The following REST variants were observed in gnomAD, a reference collection of about 807,000 sequenced individuals.
REST encodes RE1-silencing transcription factor.
REST carries 1 observed loss-of-function variant against 30.4 expected under a neutral mutation model. That is an observed-to-expected ratio of 0.03 (90% CI 0.01 to 0.16). The LOEUF (loss-of-function observed/expected upper bound fraction) is 0.16, where lower values mean the gene tolerates loss of function less well. Ranked by LOEUF, REST falls within the 10% of genes least tolerant of loss-of-function variation. The probability of loss-of-function intolerance (pLI) is 1.00; values close to 1 mark genes in which losing one functional copy is unlikely to be tolerated. For missense variants in REST, 1,259 were observed against 1,329.5 expected, an observed-to-expected ratio of 0.95 and a Z score of 0.82; for synonymous variants, 504 against 451.1, an observed-to-expected ratio of 1.12 and a Z score of -1.49.
Position 56,934,992 on chromosome 4 carries a change from A to G in REST, c.*2840A>G, listed in dbSNP as rs1445514334. On this transcript the variant is annotated 3_prime_UTR_variant, in exon 4 of 4. Coordinates refer to ENST00000309042, the MANE Select transcript of REST (RefSeq NM_005612.5). The stretch of plus-strand genomic sequence containing the variant: ...GGGCTACTTTTTTTTTTAGTTGTGT[A>G]ATTCACAAAGGGCTGCATTTTTTTT... 6.7e-6 allele frequency: 1 copy of G among 148,818 alleles called. No individual in the cohort carries two copies. Among genetic ancestry groups the G allele is most frequent in the Non-Finnish European group, 1.5e-5 (1 of 67,372 alleles). 9.2% of individuals were successfully genotyped at this position (148,818 alleles called of 1,614,324 possible). A position where few individuals can be genotyped will look rare whatever the true frequency, so the allele number is the denominator to read the frequency against.
chr4:56,909,425 TC>T (rs1165748526), intron 1 of REST: 1 of 152,292 alleles, frequency 6.6e-6, no homozygotes, highest in Non-Finnish European at 1.5e-5. Context: ...TGGACGGTCT[TC>T]CTAACAATCG....
In REST at chr4:56,932,001, A is replaced by G. The variant is rs1369937901; in HGVS notation, c.3143A>G (p.Lys1048Arg). The change falls in exon 4 of 4, where the codon AAG (lysine) becomes AGG (arginine). Residue 1048 changes from lysine to arginine, a missense_variant. Transcript: ENST00000309042. ...CAAGAATCTAGCAGAAAAAATGCAAAGGAAGCCTTGGCAGTCAAAGCGGCT... is the reference window on the plus strand; with the variant it reads ...CAAGAATCTAGCAGAAAAAATGCAAGGGAAGCCTTGGCAGTCAAAGCGGCT... ...VPQESSRKNA[K>R]EALAVKAAKG... 12 of 1,614,132 alleles carry G rather than the reference A, an allele frequency of 7.4e-6. No homozygotes were observed. The Middle Eastern group carries it at 4.9e-4, about 66-fold the overall frequency.
intron 3 of REST, among the ~76,000 whole-genome samples, chr4:56,929,080 TTTTC>T (rs907476398): frequency 1.2e-4 from 18 of 151,582 alleles, no homozygotes; most frequent in African/African-American, 4.4e-4. Flanking sequence ...TTTTTTTTTT[TTTTC>T]TTTGAGACAC....
At chr4:56,914,905 A>T (rs1380588420) in intron 2 of REST, among the ~76,000 whole-genome samples, 6 of 118,588 alleles carry the variant, frequency 5.1e-5, no homozygotes, top group East Asian at 5.1e-4. Context: ...CTTCATTCTG[A>T]TTTTTTTTTT....
At position 56,930,977 on chromosome 4, in the gene REST, G is replaced by A; in HGVS notation, c.2119G>A (p.Glu707Lys). 3 of 1,614,198 alleles carry A rather than the reference G, an allele frequency of 1.9e-6. No individual in the cohort carries two copies. The highest frequency in any genetic ancestry group is 1.7e-6 in the Non-Finnish European group (2 of 1,180,014). Residue 707 changes from glutamate to lysine, a missense_variant, in exon 4 of 4, where the codon GAA (glutamate) becomes AAA (lysine). By Grantham distance (56) the Glu-to-Lys change is moderately conservative. Transcript: ENST00000309042. ...TGCCCAAATGGGGCCTGCTCCCATG[G>A]AACCTGCTCAGATGGAGGTTGCCCA... ...EVAQMGPAPM[E>K]PAQMEVAQVE...
At chr4:56,922,345 C>T (rs1720495513) in intron 3 of REST, 1 of 141,544 alleles carries the variant, frequency 7.1e-6, no homozygotes, top group African/African-American at 2.6e-5. Flanking sequence ...TGGAGTTTCG[C>T]TCTTGTTGCC....
rs138269723 is a variant in REST at position 56,933,829 on chromosome 4, G to A, written c.*1677G>A. On this transcript the variant is annotated 3_prime_UTR_variant, in exon 4 of 4. Transcript: ENST00000309042. ...CTTGAATTCTGACCTCCCATACTCC[G>A]TTTTGAAATAACCACTTTATATTTC... The A allele has an allele frequency of 2.6e-5, 4 of 152,238 alleles. No individual in the cohort carries two copies. Among genetic ancestry groups the A allele is most frequent in the South Asian group, 2.1e-4 (1 of 4,822 alleles). The allele number at this position is 152,238 out of a possible 1,614,324, so 9.4% of individuals were successfully genotyped here. A position where few individuals can be genotyped will look rare whatever the true frequency, so the allele number is the denominator to read the frequency against.
In REST at chr4:56,907,902, G is replaced by C. The variant is rs1009165477; in HGVS notation, c.-321G>C. 5.5e-6 allele frequency: 1 copy of C among 182,240 alleles called. No homozygotes were observed. Among genetic ancestry groups the C allele is most frequent in the Non-Finnish European group, 1.0e-5 (1 of 96,940 alleles). 11.3% of individuals were successfully genotyped at this position (182,240 alleles called of 1,614,324 possible). ...GCGGCGGCGGCGGCGCGGACTGGGT[G>C]CGCGGCGCAGCGTCCTGTGTTGGAA... is the stretch of plus-strand genomic sequence containing the variant. On this transcript the variant is annotated 5_prime_UTR_variant, in exon 1 of 4. Coordinates refer to ENST00000309042, the MANE Select transcript of REST (RefSeq NM_005612.5).
Position 56,911,374 on chromosome 4 carries a change from C to T in REST, c.736C>T (p.Arg246Ter), listed in dbSNP as rs748191155. 1.2e-6 allele frequency: 2 copies of T among 1,614,086 alleles called. No homozygotes were observed. The highest frequency in any genetic ancestry group is 1.7e-5 in the Admixed American group (1 of 59,996). Residue 246 changes from arginine to a stop codon, truncating the protein, a stop_gained, in exon 2 of 4, where the codon CGA (arginine) becomes TGA (stop). Coordinates refer to ENST00000309042, the MANE Select transcript of REST (RefSeq NM_005612.5). LOFTEE classifies it high-confidence loss of function. ...KHHTRAGDNE[R>*]VYKCIICTYT... ...CCACACCAGAGCTGGGGATAATGAG[C>T]GAGTCTACAAGTGTATCATTTGCAC...
rs1208305687 is a variant in REST at position 56,925,796 on chromosome 4, G to A, written c.983-4045G>A. ...TAAAGTAAAAATTACGGGAGAAAAAGAACGGAGCAAATAAATCATGCCATC... is the reference window on the plus strand; with the variant it reads ...TAAAGTAAAAATTACGGGAGAAAAAAAACGGAGCAAATAAATCATGCCATC... On this transcript the variant is annotated intron_variant, in intron 3 of 3. Transcript: ENST00000309042. 2.0e-5 allele frequency among the ~76,000 whole-genome samples: 3 copies of A among 152,152 alleles called. No individual in the cohort carries two copies. In the East Asian group the frequency reaches 5.8e-4, roughly 29 times the overall value.
intron 3 of REST, among the ~76,000 whole-genome samples, chr4:56,926,955 G>T (rs1384311337): frequency 6.6e-6 from 1 of 151,946 alleles, no homozygotes; most frequent in Non-Finnish European, 1.5e-5. Flanking sequence ...AATTAGCCAG[G>T]CTTAGTGGCA....
intron 3 of REST, among the ~76,000 whole-genome samples, chr4:56,926,154 G>A (rs528051239): frequency 1.2e-4 from 19 of 152,062 alleles, no homozygotes; most frequent in Non-Finnish European, 2.2e-4. Context: ...CCGCCTCCTG[G>A]GTTCAAGTGA....
Position 56,930,750 on chromosome 4 carries a change from C to T in REST, c.1892C>T (p.Pro631Leu). 1 of 1,601,052 alleles carries T rather than the reference C, an allele frequency of 6.2e-7. No homozygotes were observed. The change falls in exon 4 of 4, where the codon CCA becomes CTA. Residue 631 changes from proline (P) to leucine (L), a missense_variant. By Grantham distance (98) the Pro-to-Leu change is moderately conservative. Coordinates refer to ENST00000309042, the MANE Select transcript of REST (RefSeq NM_005612.5). ...VQKGPVQVEP[P>L]PPMEHAQMEG... ...AAGGGGCCCGTTCAGGTGGAGCCGC[C>T]ACCTCCCATGGAGCATGCTCAGATG...
chr4:56,922,594 T>A (rs1720507461), intron 3 of REST, among the ~76,000 whole-genome samples: 1 of 152,190 alleles, frequency 6.6e-6, no homozygotes, highest in South Asian at 2.1e-4. Context: ...ATTACAGGCG[T>A]GAGCCACTGC....
At chr4:56,910,307 G>A (rs1363734275) in intron 1 of REST, among the ~76,000 whole-genome samples, 1 of 152,154 alleles carries the variant, frequency 6.6e-6, no homozygotes, top group Non-Finnish European at 1.5e-5. Context: ...TAAAAATGAA[G>A]GTTACTTTTT....
chr4:56,930,408 A>C lies in REST; in HGVS notation c.1550A>C (p.Lys517Thr). The C allele has an allele frequency of 6.2e-7, 1 of 1,614,062 alleles. No individual in the cohort carries two copies. The highest frequency in any genetic ancestry group is 1.3e-5 in the African/African-American group (1 of 75,056). The change falls in exon 4 of 4, where the codon AAG becomes ACG. Residue 517 changes from lysine to threonine, a missense_variant. Lys to Thr is a moderately conservative substitution (Grantham distance 78, BLOSUM62 -1). Transcript: ENST00000309042. ...GSNSEKFSKTKKSKRKLEVDS... is the reference protein window; with the variant it reads ...GSNSEKFSKTTKSKRKLEVDS... ...AATTCAGAAAAATTCAGTAAAACTA[A>C]GAAAAGCAAAAGGAAGCTGGAAGTT...
intron 2 of REST, among the ~76,000 whole-genome samples, chr4:56,917,681 TG>T (rs1720263166): frequency 6.6e-6 from 1 of 152,226 alleles, no homozygotes; most frequent in African/African-American, 2.4e-5. Context: ...GGGGAAACGG[TG>T]TTTTAGTAGC....
Position 56,931,802 on chromosome 4 carries a change from C to T in REST, c.2944C>T (p.Arg982Cys), listed in dbSNP as rs200147565. ...GCTTCCCCCTTCAGCAGTAGAAGAACGTGAAGCAGTGTCCAAAACTGCACT... is the reference window on the plus strand; with the variant it reads ...GCTTCCCCCTTCAGCAGTAGAAGAATGTGAAGCAGTGTCCAAAACTGCACT... ...PMLPPSAVEE[R>C]EAVSKTALAS... Residue 982 changes from arginine (R) to cysteine (C), a missense_variant, in exon 4 of 4, where the codon CGT (arginine) becomes TGT (cysteine). Arg to Cys is a radical substitution (Grantham distance 180). Coordinates refer to ENST00000309042, the MANE Select transcript of REST (RefSeq NM_005612.5). 4 of 1,614,156 alleles carry T rather than the reference C, an allele frequency of 2.5e-6. No individual in the cohort carries two copies. Among genetic ancestry groups the T allele is most frequent in the Non-Finnish European group, 2.5e-6 (3 of 1,180,038 alleles).
At chr4:56,921,548 T>C (rs1418482538) in intron 3 of REST, among the ~76,000 whole-genome samples, 1 of 152,148 alleles carries the variant, frequency 6.6e-6, no homozygotes, top group Non-Finnish European at 1.5e-5. Context: ...TAGCTGGGAT[T>C]ACAGGCATGT....
Sources: allele counts gnomAD v4.1 joint callset (sites outside exome capture counted in the v4.1 genomes callset), GRCh38; gene constraint gnomAD v4.1.1; transcripts MANE v1.5; gene names NCBI Gene and HGNC (gene_info 2026-07-23, HGNC 2026-07-21).